CDH12: variants seen among roughly 807,000 people sequenced by gnomAD.
CDH12 encodes cadherin-12.
Under a neutral mutation model 74.1 loss-of-function variants are expected in CDH12, and 41 were observed. That is an observed-to-expected ratio of 0.55 (90% confidence interval 0.43 to 0.72). The LOEUF (loss-of-function observed/expected upper bound fraction) is 0.72, where lower values mean the gene tolerates loss of function less well. Among genes scored for constraint, CDH12 ranks in the 30% least tolerant of loss-of-function variants. The pLI is 0.00. For missense variants in CDH12, 945 were observed against 977.2 expected (o/e 0.97, Z 0.44); for synonymous variants, 399 against 355.0 (o/e 1.12, Z -1.39).
chr5:22,641,056 C>T (rs1489361039), intron 1 of CDH12, among the ~76,000 whole-genome samples: 3 of 152,204 alleles, frequency 2.0e-5, no homozygotes, highest in East Asian at 1.9e-4. Context: ...TTGACCAATA[C>T]GATAGATAGA....
intron 2 of CDH12, among the ~76,000 whole-genome samples, chr5:22,499,911 G>A (rs573191719): frequency 1.3e-3 from 193 of 152,224 alleles, no homozygotes; most frequent in African/African-American, 4.5e-3. Flanking sequence ...AGATAATTAT[G>A]TACTGACTAC....
intron 1 of CDH12, among the ~76,000 whole-genome samples, chr5:22,719,778 T>C (rs879844656): frequency 3.3e-5 from 5 of 152,168 alleles, no homozygotes; most frequent in Middle Eastern, 3.2e-3. Context: ...TAGTGGACTC[T>C]ACATGGTTTC....
At chr5:22,554,782 A>G (rs1385711732) in intron 1 of CDH12, among the ~76,000 whole-genome samples, 1 of 152,110 alleles carries the variant, frequency 6.6e-6, no homozygotes, top group Admixed American at 6.6e-5. Context: ...CTTATTTTAC[A>G]TATCTATGGC....
chr5:22,788,949 T>G (rs908801254), intron 1 of CDH12, among the ~76,000 whole-genome samples: 2 of 151,864 alleles, frequency 1.3e-5, no homozygotes, highest in Admixed American at 6.6e-5. Flanking sequence ...GCATATACCA[T>G]ATTTAAAACT....
intron 1 of CDH12, among the ~76,000 whole-genome samples, chr5:22,616,472 G>T (rs1737694538): frequency 6.6e-6 from 1 of 151,974 alleles, no homozygotes; most frequent in Non-Finnish European, 1.5e-5. Context: ...AATTTATGAA[G>T]TATATCCAGC....
At chr5:22,531,787 G>A (rs1737592020) in intron 1 of CDH12, among the ~76,000 whole-genome samples, 1 of 152,136 alleles carries the variant, frequency 6.6e-6, no homozygotes, top group Non-Finnish European at 1.5e-5. Flanking sequence ...ACACACTGGT[G>A]TAAAAATAGA....
At chr5:22,251,557 C>T (rs1347705404) in intron 3 of CDH12, among the ~76,000 whole-genome samples, 1 of 152,082 alleles carries the variant, frequency 6.6e-6, no homozygotes, top group African/African-American at 2.4e-5. Flanking sequence ...GCCTCACTTC[C>T]CTTATCTGTA....
intron 6 of CDH12, among the ~76,000 whole-genome samples, chr5:21,932,315 T>A (rs1369706448): frequency 6.6e-6 from 1 of 152,224 alleles, no homozygotes; most frequent in Non-Finnish European, 1.5e-5. Context: ...ATTGATTCTA[T>A]TTTGTCCTCT....
chr5:21,764,876 A>G (rs1015938520), intron 12 of CDH12, 102 bp downstream of exon 12: 1 of 1,122,326 alleles, frequency 8.9e-7, no homozygotes, highest in African/African-American at 1.6e-5. Flanking sequence ...GCTCTGATTC[A>G]GAAAAACAAA....
intron 9 of CDH12, among the ~76,000 whole-genome samples, chr5:21,805,694 T>A (rs1003850385): frequency 2.6e-5 from 4 of 152,128 alleles, no homozygotes; most frequent in Admixed American, 6.6e-5. Flanking sequence ...CACATCTGAC[T>A]GACTACCCTC....
chr5:22,387,700 G>A (rs1742057157), intron 3 of CDH12, among the ~76,000 whole-genome samples: 1 of 152,146 alleles, frequency 6.6e-6, no homozygotes, highest in Non-Finnish European at 1.5e-5. Context: ...GAGGGAGAAT[G>A]AGAGATGGGA....
At chr5:21,851,333 C>G (rs1750455477) in intron 7 of CDH12, among the ~76,000 whole-genome samples, 1 of 150,814 alleles carries the variant, frequency 6.6e-6, no homozygotes, top group Non-Finnish European at 1.5e-5. Flanking sequence ...ACTCTATTAT[C>G]AAAACTGTTG....
intron 1 of CDH12, among the ~76,000 whole-genome samples, chr5:22,662,833 A>G (rs907055515): frequency 2.0e-5 from 3 of 152,172 alleles, no homozygotes; most frequent in African/African-American, 7.2e-5. Flanking sequence ...CTGATTGCTG[A>G]CAATATTTAC....
At chr5:22,441,971 T>C (rs1178489281) in intron 2 of CDH12, among the ~76,000 whole-genome samples, 3 of 152,164 alleles carry the variant, frequency 2.0e-5, no homozygotes, top group African/African-American at 2.4e-5. Flanking sequence ...CCCAAAGTGC[T>C]GGGATTACAA....
chr5:22,548,410 T>G (rs1738419525), intron 1 of CDH12, among the ~76,000 whole-genome samples: 1 of 152,176 alleles, frequency 6.6e-6, no homozygotes, highest in Non-Finnish European at 1.5e-5. Context: ...CACAGTGTAT[T>G]TATACGTACC....
At chr5:22,743,125 T>C (rs1745110413) in intron 1 of CDH12, among the ~76,000 whole-genome samples, 1 of 151,724 alleles carries the variant, frequency 6.6e-6, no homozygotes, top group African/African-American at 2.4e-5. Flanking sequence ...GAAACTTACG[T>C]GAGTTCTCCT....
intron 3 of CDH12, among the ~76,000 whole-genome samples, chr5:22,262,557 A>T (rs1429243268): frequency 6.6e-6 from 1 of 151,140 alleles, no homozygotes; most frequent in African/African-American, 2.4e-5. Context: ...GCTATTGTGA[A>T]TAGTGCCGCA....
At chr5:22,504,810 C>T (rs560884908) in intron 2 of CDH12, among the ~76,000 whole-genome samples, 179 of 151,982 alleles carry the variant, frequency 1.2e-3, no homozygotes, top group Non-Finnish European at 2.3e-3. Context: ...TCTCTGTTTC[C>T]TATGTGAGAG....
At chr5:22,519,074 G>A (rs913149611) in intron 1 of CDH12, among the ~76,000 whole-genome samples, 7 of 151,946 alleles carry the variant, frequency 4.6e-5, no homozygotes, top group Non-Finnish European at 8.8e-5. Flanking sequence ...GAAGATTTTG[G>A]GGTAGATTAT....
Sources: gnomAD v4.1 joint callset for allele counts (sites outside exome capture counted in the v4.1 genomes callset) on GRCh38, gnomAD v4.1.1 for gene constraint, MANE v1.5 for transcripts, NCBI Gene and HGNC (gene_info 2026-07-23, HGNC 2026-07-21) for gene names.